ULK4: variants seen among roughly 807,000 people sequenced by gnomAD.
The protein encoded by ULK4 is unc-51 like kinase 4, also known as inactive serine/threonine-protein kinase ULK4.
A neutral mutation model predicts 160.6 loss-of-function variants in ULK4; 133 were observed. The ratio of observed to expected loss-of-function variants is 0.83; its 90% confidence interval spans 0.72 to 0.96. The LOEUF (loss-of-function observed/expected upper bound fraction) is 0.96. ULK4 is among the 40% of genes least tolerant of loss of function. The pLI is 0.00. For missense variants in ULK4, 1,580 were observed against 1,499.5 expected, an observed-to-expected ratio of 1.05 and a Z score of -0.89; for synonymous variants, 534 against 539.8, an observed-to-expected ratio of 0.99 and a Z score of 0.15.
intron 17 of ULK4, among the ~76,000 whole-genome samples, chr3:41,867,949 CATT>C (rs1279482831): frequency 6.6e-6 from 1 of 152,100 alleles, no homozygotes; most frequent in African/African-American, 2.4e-5. Context: ...TCTTGTTAGA[CATT>C]TCTAATTTAA....
At chr3:41,919,695 T>C (rs779550580) in intron 6 of ULK4, 22 bp downstream of exon 6, 10 of 1,591,380 alleles carry the variant, frequency 6.3e-6, no homozygotes, top group Non-Finnish European at 8.6e-6. Context: ...TCTGATTTTA[T>C]ACCTATTCAG....
At chr3:41,492,282 T>A (rs2084803566) in intron 32 of ULK4, among the ~76,000 whole-genome samples, 1 of 152,166 alleles carries the variant, frequency 6.6e-6, no homozygotes, top group Non-Finnish European at 1.5e-5. Flanking sequence ...GTATCTCTAG[T>A]TCTAGATCCC....
chr3:41,330,930 A>G (rs114005147), intron 35 of ULK4, among the ~76,000 whole-genome samples: 35 of 152,272 alleles, frequency 2.3e-4, no homozygotes, highest in African/African-American at 7.7e-4. Context: ...GTGTCATGTG[A>G]GATCTGCAGC....
chr3:41,559,455 T>G (rs1178983863), intron 32 of ULK4, among the ~76,000 whole-genome samples: 1 of 139,016 alleles, frequency 7.2e-6, no homozygotes, highest in Admixed American at 7.5e-5. Flanking sequence ...TGCCACACTG[T>G]CTTCCACAAT....
At chr3:41,876,635 G>A (rs1697313015) in intron 17 of ULK4, among the ~76,000 whole-genome samples, 1 of 152,116 alleles carries the variant, frequency 6.6e-6, no homozygotes, top group African/African-American at 2.4e-5. Context: ...GCCAAATACA[G>A]AAAACAATCC....
chr3:41,630,681 G>T (rs895090987), intron 30 of ULK4, among the ~76,000 whole-genome samples: 12 of 152,176 alleles, frequency 7.9e-5, no homozygotes, highest in African/African-American at 2.9e-4. Flanking sequence ...TACACCAGTG[G>T]CTGGAAATCT....
chr3:41,956,792 C>A (rs981072056), intron 1 of ULK4, among the ~76,000 whole-genome samples: 21 of 152,214 alleles, frequency 1.4e-4, no homozygotes, highest in Non-Finnish European at 3.1e-4. Flanking sequence ...AACATAGCCA[C>A]ACCCATTCAT....
At chr3:41,638,016 G>C (rs983097811) in intron 30 of ULK4, among the ~76,000 whole-genome samples, 1 of 152,074 alleles carries the variant, frequency 6.6e-6, no homozygotes, top group Non-Finnish European at 1.5e-5. Flanking sequence ...TTCCTTGGCT[G>C]TGCAGAAGTT....
At chr3:41,921,533 T>A (rs994893972) in intron 5 of ULK4, among the ~76,000 whole-genome samples, 1 of 152,118 alleles carries the variant, frequency 6.6e-6, no homozygotes, top group Admixed American at 6.5e-5. Flanking sequence ...GAGAATGGCA[T>A]GAACCCAGGA....
At chr3:41,534,556 C>T (rs960447972) in intron 32 of ULK4, among the ~76,000 whole-genome samples, 3 of 149,388 alleles carry the variant, frequency 2.0e-5, no homozygotes, top group African/African-American at 7.4e-5. Context: ...CATTTACATG[C>T]TGATAACATC....
intron 32 of ULK4, among the ~76,000 whole-genome samples, chr3:41,562,347 G>T (rs189557439): frequency 9.7e-4 from 148 of 152,262 alleles, no homozygotes; most frequent in African/African-American, 3.3e-3. Flanking sequence ...GTTTATTTGG[G>T]GTGGAGAGTT....
intron 32 of ULK4, among the ~76,000 whole-genome samples, chr3:41,559,022 C>T (rs1575412108): frequency 1.5e-5 from 2 of 134,668 alleles, no homozygotes; most frequent in African/African-American, 2.6e-5. Flanking sequence ...GCTATCCCTC[C>T]CCCCTACCCC....
intron 30 of ULK4, among the ~76,000 whole-genome samples, chr3:41,662,431 T>TCAC (rs1166130650): frequency 6.6e-6 from 1 of 152,238 alleles, no homozygotes; most frequent in African/African-American, 2.4e-5. Context: ...GAGCAACTTG[T>TCAC]CACCAGTGAC....
chr3:41,506,767 A>AAAAAAAAATATATATATATATAAAT lies in ULK4; in HGVS notation c.3227-43515_3227-43514insATTTATATATATATATATTTTTTTT. On this transcript the variant is annotated intron_variant, in intron 32 of 36. Coordinates refer to ENST00000301831, the MANE Select transcript of ULK4 (RefSeq NM_017886.4). ...AGCAATACACTGGAGTGTGATTTAA[A>AAAAAAAAATATATATATATATAAAT]ATATATATATATATATATATATATA... Among the ~76,000 whole-genome samples, 38 of 56,794 alleles carry AAAAAAAAATATATATATATATAAAT rather than the reference A, an allele frequency of 6.7e-4. 4 individuals are homozygous for AAAAAAAAATATATATATATATAAAT. The highest frequency in any genetic ancestry group is 2.6e-3 in the African/African-American group (32 of 12,248). 37.3% of individuals were successfully genotyped at this position (56,794 alleles called of 152,430 possible).
intron 22 of ULK4, among the ~76,000 whole-genome samples, chr3:41,731,507 A>G (rs1205714720): frequency 6.6e-6 from 1 of 152,104 alleles, no homozygotes; most frequent in African/African-American, 2.4e-5. Context: ...AAGATACTCC[A>G]TGTTCATGGA....
Position 41,264,716 on chromosome 3 carries a change from C to T in ULK4, c.3679-15142G>A, listed in dbSNP as rs1258470772. Among the ~76,000 whole-genome samples, 16 of 152,256 alleles carry T rather than the reference C, an allele frequency of 1.1e-4. No homozygotes were observed. In the East Asian group the frequency reaches 2.1e-3, roughly 20 times the overall value. On this transcript the variant is annotated intron_variant, in intron 35 of 36. Coordinates refer to ENST00000301831, the MANE Select transcript of ULK4 (RefSeq NM_017886.4). ...CTGATTTGGAAGGAGATGGATTAATCGACAATTATAAGCAATCTCTTCAAC... is the reference window on the plus strand; with the variant it reads ...CTGATTTGGAAGGAGATGGATTAATTGACAATTATAAGCAATCTCTTCAAC...
At position 41,941,755 on chromosome 3, in the gene ULK4, C is replaced by CAA. The variant is rs565727539; in HGVS notation, c.139-3560_139-3559dup. Among the ~76,000 whole-genome samples, 267 of 30,622 alleles carry CAA rather than the reference C, an allele frequency of 8.7e-3. 11 individuals are homozygous for CAA. The highest frequency in any genetic ancestry group is 0.02 in the African/African-American group (252 of 12,302). The allele number at this position is 30,622 out of a possible 152,430, so 20.1% of individuals were successfully genotyped here. A position where few individuals can be genotyped will look rare whatever the true frequency, so the allele number is the denominator to read the frequency against. On this transcript the variant is annotated intron_variant, in intron 2 of 36. Transcript: ENST00000301831. ...TGAGTGACAGAGTGAGACTCTGTCT[C>CAA]AAAAAAAAAAAAAAAAAAAAAAAAG... is the stretch of plus-strand genomic sequence containing the variant.
intron 17 of ULK4, among the ~76,000 whole-genome samples, chr3:41,851,073 T>C (rs1278221736): frequency 1.3e-5 from 2 of 152,218 alleles, no homozygotes; most frequent in Non-Finnish European, 2.9e-5. Context: ...TTTATTTCTT[T>C]CTCCTGCCTG....
intron 35 of ULK4, among the ~76,000 whole-genome samples, chr3:41,305,210 CCACGG>C (rs2079882327): frequency 6.7e-6 from 1 of 149,770 alleles, no homozygotes; most frequent in African/African-American, 2.5e-5. Context: ...CTCCCTCTCC[CCACGG>C]TCTCCCTCTC....
Sources: gnomAD v4.1 joint callset for allele counts (sites outside exome capture counted in the v4.1 genomes callset) on GRCh38, gnomAD v4.1.1 for gene constraint, MANE v1.5 for transcripts, NCBI Gene and HGNC (gene_info 2026-07-23, HGNC 2026-07-21) for gene names.